Variants in NKAIN2 observed in about 807,000 individuals in gnomAD.
NKAIN2 encodes sodium/potassium-transporting ATPase subunit beta-1-interacting protein 2.
NKAIN2 carries 14 observed loss-of-function variants against 32.6 expected under a neutral mutation model. That is an observed-to-expected ratio of 0.43 (90% CI 0.28 to 0.67). The LOEUF is 0.67. Ranked by LOEUF, NKAIN2 falls within the 30% of genes least tolerant of loss-of-function variation. The probability of loss-of-function intolerance (pLI) is 0.17; values close to 1 mark genes in which losing one functional copy is unlikely to be tolerated. For missense variants in NKAIN2, 198 were observed against 258.3 expected (o/e 0.77, Z 1.60); for synonymous variants, 80 against 87.2 (o/e 0.92, Z 0.46).
intron 3 of NKAIN2, among the ~76,000 whole-genome samples, chr6:124,490,896 A>G (rs1341054409): frequency 6.6e-6 from 1 of 151,892 alleles, no homozygotes; most frequent in East Asian, 1.9e-4. Context: ...TGAAGATTTT[A>G]TCAAACATTT....
At chr6:124,743,262 T>C (rs905944216) in intron 4 of NKAIN2, among the ~76,000 whole-genome samples, 11 of 151,854 alleles carry the variant, frequency 7.2e-5, no homozygotes, top group African/African-American at 2.7e-4. Flanking sequence ...TTTATGAGAT[T>C]CAATAAGCCA....
chr6:124,817,363 AG>A (rs1781212817), intron 5 of NKAIN2, among the ~76,000 whole-genome samples: 3 of 152,090 alleles, frequency 2.0e-5, no homozygotes, highest in Non-Finnish European at 4.4e-5. Flanking sequence ...CCCGATTGAA[AG>A]GTATTTTATT....
intron 1 of NKAIN2, among the ~76,000 whole-genome samples, chr6:124,144,491 C>T (rs1050320754): frequency 1.3e-5 from 2 of 152,064 alleles, no homozygotes; most frequent in Non-Finnish European, 2.9e-5. Flanking sequence ...TAAATATTCT[C>T]TACTAGTTTT....
intron 1 of NKAIN2, among the ~76,000 whole-genome samples, chr6:124,268,721 TTATA>T: frequency 6.6e-6 from 1 of 151,144 alleles, no homozygotes; most frequent in Admixed American, 6.6e-5. Context: ...CATATATATT[TTATA>T]TATATACACA....
chr6:123,844,292 A>G (rs1298283195), intron 1 of NKAIN2, among the ~76,000 whole-genome samples: 1 of 152,234 alleles, frequency 6.6e-6, no homozygotes, highest in African/African-American at 2.4e-5. Context: ...ATTTTGAAGA[A>G]GGTAGTGTTT....
intron 2 of NKAIN2, among the ~76,000 whole-genome samples, chr6:124,284,689 G>A (rs1017345794): frequency 1.3e-5 from 2 of 152,044 alleles, no homozygotes; most frequent in African/African-American, 4.8e-5. Context: ...GAGGACTAAA[G>A]GGGATGTTCT....
intron 4 of NKAIN2, among the ~76,000 whole-genome samples, chr6:124,685,401 T>C (rs1773821318): frequency 6.6e-6 from 1 of 152,192 alleles, no homozygotes; most frequent in African/African-American, 2.4e-5. Context: ...TGATCCACTT[T>C]TCATTGCTCA....
chr6:124,129,116 G>T (rs1246773415), intron 1 of NKAIN2, among the ~76,000 whole-genome samples: 2 of 152,158 alleles, frequency 1.3e-5, no homozygotes, highest in African/African-American at 4.8e-5. Flanking sequence ...CTTTAAGATA[G>T]AATTGTCAGT....
At chr6:123,858,953 T>C (rs976587324) in intron 1 of NKAIN2, among the ~76,000 whole-genome samples, 4 of 152,210 alleles carry the variant, frequency 2.6e-5, no homozygotes, top group Non-Finnish European at 5.9e-5. Context: ...TTTGGACATA[T>C]CTTCTTTATA....
At chr6:124,445,770 A>C (rs953641147) in intron 3 of NKAIN2, among the ~76,000 whole-genome samples, 1 of 74,420 alleles carries the variant, frequency 1.3e-5, no homozygotes, top group African/African-American at 2.9e-5. Flanking sequence ...ACAAAAATGA[A>C]AACGAAACAA....
At chr6:124,187,702 C>G (rs555238988) in intron 1 of NKAIN2, among the ~76,000 whole-genome samples, 7 of 152,132 alleles carry the variant, frequency 4.6e-5, no homozygotes, top group Non-Finnish European at 8.8e-5. Context: ...TCCTTTTTAA[C>G]AACATAGTAC....
At chr6:124,293,174 TA>T (rs1316462501) in intron 2 of NKAIN2, among the ~76,000 whole-genome samples, 1 of 152,166 alleles carries the variant, frequency 6.6e-6, no homozygotes, top group African/African-American at 2.4e-5. Flanking sequence ...GAATAGCTAA[TA>T]ATATTTTATT....
At chr6:124,788,794 A>G (rs1779619123) in intron 4 of NKAIN2, among the ~76,000 whole-genome samples, 1 of 152,110 alleles carries the variant, frequency 6.6e-6, no homozygotes, top group African/African-American at 2.4e-5. Flanking sequence ...GACATTCAGA[A>G]TTGTGGGAAA....
intron 1 of NKAIN2, among the ~76,000 whole-genome samples, chr6:124,013,103 G>T (rs548261488): frequency 6.6e-6 from 1 of 152,136 alleles, no homozygotes; most frequent in African/African-American, 2.4e-5. Flanking sequence ...CATCTTTTAT[G>T]TGTTATTTGC....
chr6:124,681,769 G>A (rs1312455952), intron 4 of NKAIN2, among the ~76,000 whole-genome samples: 3 of 151,982 alleles, frequency 2.0e-5, no homozygotes, highest in African/African-American at 7.2e-5. Context: ...GAATCTTACT[G>A]GCTTCTATGT....
At chr6:124,346,604 C>T (rs1397446668) in intron 2 of NKAIN2, among the ~76,000 whole-genome samples, 2 of 151,802 alleles carry the variant, frequency 1.3e-5, no homozygotes, top group Non-Finnish European at 2.9e-5. Context: ...TTCTTTGTCT[C>T]TTTTGATCTT....
At chr6:123,887,551 G>C (rs990989829) in intron 1 of NKAIN2, among the ~76,000 whole-genome samples, 1 of 152,036 alleles carries the variant, frequency 6.6e-6, no homozygotes, top group African/African-American at 2.4e-5. Flanking sequence ...TCAATTCTTG[G>C]TACCTTCAGT....
At chr6:124,342,426 A>C (rs1444127400) in intron 2 of NKAIN2, among the ~76,000 whole-genome samples, 1 of 140,616 alleles carries the variant, frequency 7.1e-6, no homozygotes, top group Non-Finnish European at 1.5e-5. Flanking sequence ...AAAAAAACAA[A>C]ACACCTTTAT....
At position 124,823,339 on chromosome 6, in the gene NKAIN2, G is replaced by T; in HGVS notation, c.*110G>T. The T allele has an allele frequency of 1.3e-6, 1 of 796,900 alleles. No individual in the cohort carries two copies. The allele number at this position is 796,900 out of a possible 1,614,324, so 49.4% of individuals were successfully genotyped here. A position where few individuals can be genotyped will look rare whatever the true frequency, so the allele number is the denominator to read the frequency against. On this transcript the variant is annotated 3_prime_UTR_variant, in exon 7 of 7. Coordinates refer to ENST00000368417, the MANE Select transcript of NKAIN2 (RefSeq NM_001040214.3). ...AGCAACTGAGTTTAAATACATACAC[G>T]TATTAACAAAACAAATGCAAAGCCT... is the stretch of plus-strand genomic sequence containing the variant.
Sources: allele counts gnomAD v4.1 joint callset (sites outside exome capture counted in the v4.1 genomes callset), GRCh38; gene constraint gnomAD v4.1.1; transcripts MANE v1.5; gene names NCBI Gene and HGNC (gene_info 2026-07-23, HGNC 2026-07-21).